The following GOLGA7B variants were observed in gnomAD, a reference collection of about 807,000 sequenced individuals.
GOLGA7B encodes golgin A7 family member B, also known as golgin subfamily A member 7B.
GOLGA7B carries 17 observed loss-of-function variants against 21.5 expected under a neutral mutation model. The ratio of observed to expected loss-of-function variants is 0.79; its 90% CI spans 0.54 to 1.19. The LOEUF (loss-of-function observed/expected upper bound fraction) is 1.19. GOLGA7B is among the 50% of genes most tolerant of loss of function. GOLGA7B has a pLI of 0.00. For missense variants in GOLGA7B, 169 were observed against 224.4 expected (o/e 0.75, Z 1.58); for synonymous variants, 87 against 84.0 (o/e 1.04, Z -0.19).
chr10:97,860,158 T>G (rs2049961577), intron 2 of GOLGA7B, among the ~76,000 whole-genome samples: 2 of 152,218 alleles, frequency 1.3e-5, no homozygotes, highest in African/African-American at 4.8e-5. Flanking sequence ...TTATTTATAA[T>G]TTTGTGGGTA....
chr10:97,853,205 A>G (rs1335620585), intron 1 of GOLGA7B, among the ~76,000 whole-genome samples: 1 of 152,036 alleles, frequency 6.6e-6, no homozygotes, highest in East Asian at 1.9e-4. Context: ...CTTAGGCCTG[A>G]CCTGGCTGTC....
rs1356108180 is a variant in GOLGA7B at position 97,866,774 on chromosome 10, G to A, written c.*1074G>A. ...TGCATGAACATGTGTGCACAAGCAT[G>A]TGTGTATGAGTGTTCATGTGTATGA... On this transcript the variant is annotated 3_prime_UTR_variant, in exon 5 of 5. Coordinates refer to ENST00000370602, the MANE Select transcript of GOLGA7B (RefSeq NM_001010917.3). 1 of 152,234 alleles carries A rather than the reference G, an allele frequency of 6.6e-6. No individual in the cohort carries two copies. Among genetic ancestry groups the A allele is most frequent in the Non-Finnish European group, 1.5e-5 (1 of 68,032 alleles). 9.4% of individuals were successfully genotyped at this position (152,234 alleles called of 1,614,324 possible). A position where few individuals can be genotyped will look rare whatever the true frequency, so the allele number is the denominator to read the frequency against.
rs746779827 is a variant in GOLGA7B at position 97,871,354 on chromosome 10, C to T, written c.*5654C>T. The T allele has an allele frequency of 1.3e-5, 2 of 152,192 alleles. No homozygotes were observed. Among genetic ancestry groups the T allele is most frequent in the Non-Finnish European group, 2.9e-5 (2 of 68,040 alleles). 9.4% of individuals were successfully genotyped at this position (152,192 alleles called of 1,614,324 possible). A position where few individuals can be genotyped will look rare whatever the true frequency, so the allele number is the denominator to read the frequency against. ...TTCCCACCCCCAGCAATTCACTTAA[C>T]TTTCCTGAGTCTCACCTTTGTCATT... On this transcript the variant is annotated 3_prime_UTR_variant, in exon 5 of 5. Transcript: ENST00000370602.
intron 1 of GOLGA7B, among the ~76,000 whole-genome samples, chr10:97,857,822 A>G (rs142201589): frequency 6.6e-6 from 1 of 152,342 alleles, no homozygotes; most frequent in African/African-American, 2.4e-5. Flanking sequence ...GACCAATGGA[A>G]CAGAACACAG....
At chr10:97,858,063 G>A (rs1270888749) in intron 1 of GOLGA7B, among the ~76,000 whole-genome samples, 1 of 152,110 alleles carries the variant, frequency 6.6e-6, no homozygotes, top group Non-Finnish European at 1.5e-5. Flanking sequence ...AGTAGACCAT[G>A]TGCTCTATCT....
At chr10:97,859,722 AT>A (rs1441998462) in intron 2 of GOLGA7B, 139 bp downstream of exon 2, 1 of 803,878 alleles carries the variant, frequency 1.2e-6, no homozygotes, top group African/African-American at 1.8e-5. Flanking sequence ...AAAAGGATGA[AT>A]TTTAAAAAAT....
At position 97,859,489 on chromosome 10, in the gene GOLGA7B, C is replaced by T. The variant is rs374417789; in HGVS notation, c.44C>T (p.Ala15Val). The T allele has an allele frequency of 4.0e-5, 64 of 1,613,970 alleles. No individual in the cohort carries two copies. The highest frequency in any genetic ancestry group is 5.3e-5 in the African/African-American group (4 of 74,924). Residue 15 changes from alanine (A) to valine (V), a missense_variant, in exon 2 of 5, where the codon GCC becomes GTC. Transcript: ENST00000370602. ...AATCTGCAGGAGCTCCGGCGAAGTG[C>T]CTCACTGGCCACCAAGGTCTTTATC... is the stretch of plus-strand genomic sequence containing the variant. ...VHNLQELRRS[A>V]SLATKVFIQR...
chr10:97,852,422 TC>T (rs2049910364), intron 1 of GOLGA7B, among the ~76,000 whole-genome samples: 1 of 152,048 alleles, frequency 6.6e-6, no homozygotes, highest in African/African-American at 2.4e-5. Flanking sequence ...GGACAAACAT[TC>T]CTCACTTCAC....
In GOLGA7B at chr10:97,859,444, G is replaced by A. The variant is rs149717226; in HGVS notation, c.13-14G>A. 6.2e-6 allele frequency: 10 copies of A among 1,613,390 alleles called. No individual in the cohort carries two copies. The highest frequency in any genetic ancestry group is 3.3e-5 in the South Asian group (3 of 90,952). On this transcript the variant is annotated splice_polypyrimidine_tract_variant and intron_variant, in intron 1 of 4. Transcript: ENST00000370602. ...TGGTCACTCTCAGCACATGCCGCCC[G>A]CACGTCTCCTCAGGTCCACAATCTG... is the stretch of plus-strand genomic sequence containing the variant.
At chr10:97,854,350 G>GC (rs2049922459) in intron 1 of GOLGA7B, among the ~76,000 whole-genome samples, 1 of 151,676 alleles carries the variant, frequency 6.6e-6, no homozygotes, top group African/African-American at 2.4e-5. Flanking sequence ...CAGGTCTCCT[G>GC]CCCCCAGGTC....
At chr10:97,862,463 A>G (rs923622258) in intron 2 of GOLGA7B, among the ~76,000 whole-genome samples, 2 of 152,220 alleles carry the variant, frequency 1.3e-5, no homozygotes, top group African/African-American at 4.8e-5. Flanking sequence ...TGTATATTAT[A>G]TACTGTATTC....
In GOLGA7B at chr10:97,866,387, G is replaced by A. The variant is rs1398545050; in HGVS notation, c.*687G>A. ...TTGCAGGCTGCCAGGTGCTGGTTGG[G>A]GGGCACAGAGCCTGGGGCTCTGGGA... On this transcript the variant is annotated 3_prime_UTR_variant, in exon 5 of 5. Coordinates refer to ENST00000370602, the MANE Select transcript of GOLGA7B (RefSeq NM_001010917.3). 2.0e-5 allele frequency: 3 copies of A among 152,230 alleles called. No individual in the cohort carries two copies. The highest frequency in any genetic ancestry group is 2.1e-4 in the South Asian group (1 of 4,834). The allele number at this position is 152,230 out of a possible 1,614,324, so 9.4% of individuals were successfully genotyped here. A position where few individuals can be genotyped will look rare whatever the true frequency, so the allele number is the denominator to read the frequency against.
At chr10:97,864,116 C>T (rs2049991744) in intron 3 of GOLGA7B, 34 bp downstream of exon 3, 1 of 1,613,638 alleles carries the variant, frequency 6.2e-7, no homozygotes, top group African/African-American at 1.3e-5. Flanking sequence ...CATCCCTTCC[C>T]TCAGGGCTGC....
At chr10:97,856,191 C>T (rs1290289274) in intron 1 of GOLGA7B, among the ~76,000 whole-genome samples, 9 of 152,158 alleles carry the variant, frequency 5.9e-5, no homozygotes, top group African/African-American at 2.2e-4. Context: ...AAGTAGTGAA[C>T]ATTGTACCCG....
intron 1 of GOLGA7B, among the ~76,000 whole-genome samples, chr10:97,853,879 C>T (rs2049919172): frequency 6.6e-6 from 1 of 152,190 alleles, no homozygotes; most frequent in African/African-American, 2.4e-5. Flanking sequence ...CCCAAGGGGC[C>T]CCAGCCATGG....
In GOLGA7B at chr10:97,865,625, T is replaced by TGGCAGCTCCAGCAGC; in HGVS notation, c.436_450dup (p.Ser148_Ser152dup). 1.2e-6 allele frequency: 2 copies of TGGCAGCTCCAGCAGC among 1,613,014 alleles called. No homozygotes were observed. Among genetic ancestry groups the TGGCAGCTCCAGCAGC allele is most frequent in the Non-Finnish European group, 8.5e-7 (1 of 1,179,550 alleles). Reference sequence around the variant, plus strand: ...CCATCTACGAGGACCGGTGCAGCAGTGGCAGCTCCAGCAGCGGCAGCAGCA... The same window carrying TGGCAGCTCCAGCAGC: ...CCATCTACGAGGACCGGTGCAGCAGTGGCAGCTCCAGCAGCGGCAGCTCCAGCAGCGGCAGCAGCA... On this transcript the variant is annotated inframe_insertion, in exon 5 of 5. Transcript: ENST00000370602.
Position 97,865,928 on chromosome 10 carries a change from C to A in GOLGA7B, c.*228C>A, listed in dbSNP as rs1188935855. ...TCCATTTCCTGACCTGGGGGCTTTT[C>A]CTTCCCGATGGGGCTGGTCTGGGCC... is the stretch of plus-strand genomic sequence containing the variant. On this transcript the variant is annotated 3_prime_UTR_variant, in exon 5 of 5. Coordinates refer to ENST00000370602, the MANE Select transcript of GOLGA7B (RefSeq NM_001010917.3). The A allele has an allele frequency of 3.1e-6, 2 of 654,930 alleles. No homozygotes were observed. Among genetic ancestry groups the A allele is most frequent in the African/African-American group, 1.8e-5 (1 of 55,040 alleles). The allele number at this position is 654,930 out of a possible 1,614,324, so 40.6% of individuals were successfully genotyped here. A position where few individuals can be genotyped will look rare whatever the true frequency, so the allele number is the denominator to read the frequency against.
rs1398054164 is a variant in GOLGA7B, at chr10:97,866,114, C to T, written c.*414C>T. Reference sequence around the variant, plus strand: ...ACCCCTCATCCCAAACCCATATCCACCAGGACTCTTTCCCTTGGGCCCTGC... The same window carrying T: ...ACCCCTCATCCCAAACCCATATCCATCAGGACTCTTTCCCTTGGGCCCTGC... On this transcript the variant is annotated 3_prime_UTR_variant, in exon 5 of 5. Transcript: ENST00000370602. 5.7e-6 allele frequency: 1 copy of T among 176,908 alleles called. No individual in the cohort carries two copies. The highest frequency in any genetic ancestry group is 1.2e-5 in the Non-Finnish European group (1 of 84,434). The allele number at this position is 176,908 out of a possible 1,614,324, so 11.0% of individuals were successfully genotyped here.
chr10:97,865,118 T>C (rs2050004831), intron 4 of GOLGA7B: 1 of 157,604 alleles, frequency 6.3e-6, no homozygotes, highest in Non-Finnish European at 1.4e-5. Context: ...AACCCCAAGA[T>C]TCTATTCTTA....
Sources: gnomAD v4.1 joint callset for allele counts (sites outside exome capture counted in the v4.1 genomes callset) on GRCh38, gnomAD v4.1.1 for gene constraint, MANE v1.5 for transcripts, NCBI Gene and HGNC (gene_info 2026-07-23, HGNC 2026-07-21) for gene names.